The following CTNNA3 variants were observed in gnomAD, a reference collection of about 807,000 sequenced individuals.
CTNNA3 encodes the protein catenin alpha 3.
A neutral mutation model predicts 95.7 loss-of-function variants in CTNNA3; 76 were observed. The observed-to-expected ratio is 0.79, with a 90% confidence interval of 0.66 to 0.96. The LOEUF is 0.96. Among genes scored for constraint, CTNNA3 ranks in the 40% least tolerant of loss-of-function variants. The pLI is 0.00. For synonymous variants in CTNNA3, 431 were observed against 374.4 expected, an observed-to-expected ratio of 1.15 and a Z score of -1.74; for missense variants, 1,191 against 1,089.8, an observed-to-expected ratio of 1.09 and a Z score of -1.31.
At chr10:67,233,979 G>C (rs866854024) in intron 5 of CTNNA3, among the ~76,000 whole-genome samples, 44 of 152,282 alleles carry the variant, frequency 2.9e-4, no homozygotes, top group Middle Eastern at 3.4e-3. Flanking sequence ...TTGAATCTCT[G>C]AATAGGACCA....
At chr10:67,572,134 C>G (rs528821022) in intron 3 of CTNNA3, among the ~76,000 whole-genome samples, 2 of 152,142 alleles carry the variant, frequency 1.3e-5, no homozygotes, top group East Asian at 3.9e-4. Flanking sequence ...TTGGATTAAT[C>G]AAAATACAGT....
chr10:66,769,982 G>T (rs1314632113), intron 8 of CTNNA3, among the ~76,000 whole-genome samples: 2 of 152,128 alleles, frequency 1.3e-5, no homozygotes, highest in African/African-American at 2.4e-5. Context: ...AGGTACCTTT[G>T]TCTGGTATTA....
intron 7 of CTNNA3, among the ~76,000 whole-genome samples, chr10:66,848,130 T>C (rs1017868161): frequency 2.6e-5 from 4 of 152,178 alleles, no homozygotes; most frequent in Non-Finnish European, 2.9e-5. Context: ...AGGGTAGATA[T>C]ATTTAAAAGC....
chr10:67,299,436 G>C (rs1202448750), intron 5 of CTNNA3, among the ~76,000 whole-genome samples: 1 of 152,058 alleles, frequency 6.6e-6, no homozygotes, highest in African/African-American at 2.4e-5. Context: ...AAATACTATG[G>C]TGGCATTTAG....
At chr10:67,342,558 T>C (rs1431837879) in intron 5 of CTNNA3, among the ~76,000 whole-genome samples, 2 of 152,224 alleles carry the variant, frequency 1.3e-5, no homozygotes, top group Non-Finnish European at 2.9e-5. Flanking sequence ...TCTGTAGTAG[T>C]TTCATAGTTT....
chr10:67,315,960 A>G (rs1316009156), intron 5 of CTNNA3, among the ~76,000 whole-genome samples: 1 of 152,058 alleles, frequency 6.6e-6, no homozygotes, highest in East Asian at 1.9e-4. Flanking sequence ...ATTGAAATTG[A>G]CTCCTAATAA....
At chr10:67,603,631 A>G (rs1045559760) in intron 3 of CTNNA3, among the ~76,000 whole-genome samples, 2 of 152,074 alleles carry the variant, frequency 1.3e-5, no homozygotes, top group Admixed American at 1.3e-4. Context: ...AAAAATGTAA[A>G]AAAGAAAAAA....
At chr10:66,960,076 T>G (rs922687581) in intron 7 of CTNNA3, among the ~76,000 whole-genome samples, 1 of 152,162 alleles carries the variant, frequency 6.6e-6, no homozygotes, top group East Asian at 1.9e-4. Context: ...ATTTGAAATT[T>G]TTTTTTCTTT....
intron 11 of CTNNA3, among the ~76,000 whole-genome samples, chr10:66,445,685 A>G (rs1398768432): frequency 3.0e-4 from 46 of 152,158 alleles, no homozygotes; most frequent in Admixed American, 2.6e-3. Context: ...TGTGTAGAGG[A>G]AAATTTATAG....
rs372224923 is a variant in CTNNA3 at position 66,765,208 on chromosome 10, C to T, written c.1281+1056G>A. ...CTAGCTGCATTGGAAACCTCCTCCCCGTGGATCCACGTTAAAGATGTTAGG... is the reference window on the plus strand; with the variant it reads ...CTAGCTGCATTGGAAACCTCCTCCCTGTGGATCCACGTTAAAGATGTTAGG... On this transcript the variant is annotated intron_variant, in intron 9 of 17. Coordinates refer to ENST00000433211, the MANE Select transcript of CTNNA3 (RefSeq NM_013266.4). Among the ~76,000 whole-genome samples, 5 of 152,266 alleles carry T rather than the reference C, an allele frequency of 3.3e-5. No homozygotes were observed. In the East Asian group the frequency reaches 7.7e-4, roughly 24 times the overall value.
upstream of CTNNA3, among the ~76,000 whole-genome samples, chr10:67,698,829 G>T (rs1332269082): frequency 1.3e-5 from 2 of 150,850 alleles, no homozygotes; most frequent in African/African-American, 4.9e-5. Flanking sequence ...TGATTTGAAG[G>T]TCTTATGTAC....
intron 7 of CTNNA3, among the ~76,000 whole-genome samples, chr10:66,997,325 A>G (rs758695291): frequency 9.9e-5 from 15 of 152,202 alleles, no homozygotes; most frequent in Non-Finnish European, 1.9e-4. Context: ...AGCAGGAAAT[A>G]CTTATTACCA....
At chr10:66,346,873 T>C (rs1320750824) in intron 12 of CTNNA3, among the ~76,000 whole-genome samples, 1 of 151,410 alleles carries the variant, frequency 6.6e-6, no homozygotes, top group Non-Finnish European at 1.5e-5. Flanking sequence ...TAGACTTGAG[T>C]GGAAAAATTG....
intron 7 of CTNNA3, among the ~76,000 whole-genome samples, chr10:66,852,375 T>C (rs895200891): frequency 6.6e-6 from 1 of 152,182 alleles, no homozygotes; most frequent in Non-Finnish European, 1.5e-5. Context: ...AGGTTAGTGC[T>C]AGACTATTAG....
intron 3 of CTNNA3, among the ~76,000 whole-genome samples, chr10:67,582,957 G>A (rs1239761251): frequency 6.6e-6 from 1 of 151,954 alleles, no homozygotes; most frequent in African/African-American, 2.4e-5. Context: ...GTGTGTCTCT[G>A]CACAAGAGAT....
intron 11 of CTNNA3, among the ~76,000 whole-genome samples, chr10:66,438,045 G>A (rs2093350289): frequency 6.6e-6 from 1 of 151,982 alleles, no homozygotes; most frequent in East Asian, 1.9e-4. Flanking sequence ...ACAGCAAAGA[G>A]TGCTGCCTGC....
intron 3 of CTNNA3, among the ~76,000 whole-genome samples, chr10:67,544,578 C>A (rs948035675): frequency 6.6e-6 from 1 of 152,184 alleles, no homozygotes; most frequent in African/African-American, 2.4e-5. Context: ...TCTGCACATG[C>A]TCCCTCTTGA....
intron 5 of CTNNA3, among the ~76,000 whole-genome samples, chr10:67,371,849 TA>T (rs1843477737): frequency 6.6e-6 from 1 of 152,214 alleles, no homozygotes; most frequent in African/African-American, 2.4e-5. Context: ...TGACCTACAG[TA>T]TAAAAGTGTT....
intron 6 of CTNNA3, among the ~76,000 whole-genome samples, chr10:67,186,173 A>G (rs1413992423): frequency 1.3e-5 from 2 of 152,198 alleles, no homozygotes; most frequent in African/African-American, 4.8e-5. Context: ...GAAACAGTGA[A>G]TATGTCTCCA....
Sources: gnomAD v4.1 joint callset for allele counts (sites outside exome capture counted in the v4.1 genomes callset) on GRCh38, gnomAD v4.1.1 for gene constraint, MANE v1.5 for transcripts, NCBI Gene and HGNC (gene_info 2026-07-23, HGNC 2026-07-21) for gene names.